Variants in SUMF1 observed in about 807,000 individuals in gnomAD.
SUMF1 encodes the protein sulfatase modifying factor 1.
In SUMF1, 48 loss-of-function variants were observed where a neutral mutation model predicts 47.6. The observed-to-expected ratio is 1.01, with a 90% CI of 0.80 to 1.28. The LOEUF (loss-of-function observed/expected upper bound fraction) is 1.28. Ranked by LOEUF, SUMF1 falls within the 50% of genes most tolerant of loss-of-function variation. The probability of loss-of-function intolerance (pLI) is 0.00; values close to 1 mark genes in which losing one functional copy is unlikely to be tolerated. For missense variants in SUMF1, 571 were observed against 485.4 expected (o/e 1.18, Z -1.66); for synonymous variants, 230 against 192.1 (o/e 1.20, Z -1.63).
At chr3:4,465,058 A>G (rs75295300) in intron 1 of SUMF1, among the ~76,000 whole-genome samples, 4 of 152,380 alleles carry the variant, frequency 2.6e-5, no homozygotes, top group African/African-American at 7.2e-5. Context: ...TTAAAAATGA[A>G]AAATGTTCAA....
At position 4,452,954 on chromosome 3, in the gene SUMF1, A is replaced by G; in HGVS notation, c.366T>C (p.Asp122=). Residue 122 remains aspartate (D), a synonymous_variant, in exon 2 of 9, where the codon GAT becomes GAC. Coordinates refer to ENST00000272902, the MANE Select transcript of SUMF1 (RefSeq NM_182760.4). Reference sequence around the variant, plus strand: ...CTTCATAGGCATCCATGTAAAAGGCATCAATAGTAACTCTCCTCGCAGGTG... The same window carrying G: ...CTTCATAGGCATCCATGTAAAAGGCGTCAATAGTAACTCTCCTCGCAGGTG... The part of the protein sequence containing the change: ...GEAPARRVTI[D]AFYMDAYEVS... The G allele has an allele frequency of 6.2e-7, 1 of 1,614,244 alleles. No individual in the cohort carries two copies. The highest frequency in any genetic ancestry group is 8.5e-7 in the Non-Finnish European group (1 of 1,180,048).
chr3:4,439,456 G>C (rs1702507273), intron 3 of SUMF1, among the ~76,000 whole-genome samples: 1 of 152,076 alleles, frequency 6.6e-6, no homozygotes, highest in Non-Finnish European at 1.5e-5. Flanking sequence ...AGCCCAGGAG[G>C]TCAAGGATGC....
intron 9 of SUMF1, among the ~76,000 whole-genome samples, chr3:4,063,972 T>C (rs1695322548): frequency 6.6e-6 from 1 of 152,134 alleles, no homozygotes; most frequent in Non-Finnish European, 1.5e-5. Context: ...ACTGCTGAGC[T>C]TGATTGTCCC....
chr3:4,221,944 GA>G (rs1340496628), intron 8 of SUMF1, among the ~76,000 whole-genome samples: 2 of 150,652 alleles, frequency 1.3e-5, no homozygotes, highest in African/African-American at 4.9e-5. Flanking sequence ...TATATCCTCT[GA>G]TTTTTTTTTG....
chr3:4,433,161 C>T (rs1702289638), intron 3 of SUMF1, among the ~76,000 whole-genome samples: 1 of 152,170 alleles, frequency 6.6e-6, no homozygotes, highest in African/African-American at 2.4e-5. Context: ...CCCACAGAGG[C>T]CGACGATACA....
chr3:4,451,088 T>TA (rs943826650), intron 2 of SUMF1, among the ~76,000 whole-genome samples: 2 of 146,868 alleles, frequency 1.4e-5, no homozygotes, highest in Non-Finnish European at 3.0e-5. Flanking sequence ...ATAAAATCAA[T>TA]AAAAAAATAA....
chr3:4,321,646 A>G (rs1698836973), intron 8 of SUMF1, among the ~76,000 whole-genome samples: 1 of 152,138 alleles, frequency 6.6e-6, no homozygotes, highest in Non-Finnish European at 1.5e-5. Flanking sequence ...CTGAGTCCAT[A>G]CTGATATAAA....
At chr3:4,058,241 G>A (rs578212181) in intron 9 of SUMF1, among the ~76,000 whole-genome samples, 4 of 152,158 alleles carry the variant, frequency 2.6e-5, no homozygotes, top group South Asian at 2.1e-4. Context: ...TGTTGCTCGC[G>A]AGCAGGTATA....
At chr3:4,123,483 C>A (rs1294789107) in intron 8 of SUMF1, among the ~76,000 whole-genome samples, 1 of 152,120 alleles carries the variant, frequency 6.6e-6, no homozygotes, top group Non-Finnish European at 1.5e-5. Flanking sequence ...CCATAGGAAG[C>A]AAGACATTTG....
At chr3:4,321,976 C>G (rs968302417) in intron 8 of SUMF1, among the ~76,000 whole-genome samples, 1 of 152,114 alleles carries the variant, frequency 6.6e-6, no homozygotes, top group African/African-American at 2.4e-5. Context: ...AAAGATGGTA[C>G]ATTAACTCTG....
Position 4,269,923 on chromosome 3 carries a change from A to C in SUMF1, c.1014+106407T>G, listed in dbSNP as rs952642992. On this transcript the variant is annotated intron_variant and NMD_transcript_variant, in intron 8 of 12. Transcript: ENST00000448413. ...TGTGTAAGGACAGTCTACAAGAGGG[A>C]ACTTTTTGAAGGTGAAGAGCTGATG... is the stretch of plus-strand genomic sequence containing the variant. Among the ~76,000 whole-genome samples the C allele has an allele frequency of 2.6e-5, 4 of 152,150 alleles. No individual in the cohort carries two copies. In the South Asian group the frequency reaches 8.3e-4, roughly 31 times the overall value.
At chr3:4,401,943 T>C (rs1457084897) in intron 7 of SUMF1, among the ~76,000 whole-genome samples, 1 of 152,114 alleles carries the variant, frequency 6.6e-6, no homozygotes, top group Non-Finnish European at 1.5e-5. Flanking sequence ...TACAAGTCAC[T>C]CTCCAAAGCC....
chr3:4,178,986 G>T (rs2266336), intron 8 of SUMF1, among the ~76,000 whole-genome samples: 47,109 of 151,952 alleles, frequency 0.31, 7,419 homozygotes, highest in East Asian at 0.4. Flanking sequence ...ACTTACAAGG[G>T]ATGTGATGGA....
At chr3:4,069,689 T>C (rs1352600770) in intron 8 of SUMF1, among the ~76,000 whole-genome samples, 2 of 152,180 alleles carry the variant, frequency 1.3e-5, no homozygotes, top group African/African-American at 4.8e-5. Context: ...CTAAGGGGTC[T>C]AGGGGGTCAT....
intron 3 of SUMF1, among the ~76,000 whole-genome samples, chr3:4,436,383 C>A (rs6802986): frequency 6.6e-6 from 1 of 151,552 alleles, no homozygotes; most frequent in African/African-American, 2.4e-5. Flanking sequence ...AAAGATATAG[C>A]CAAATAGACA....
intron 8 of SUMF1, among the ~76,000 whole-genome samples, chr3:4,224,249 G>T (rs1485181983): frequency 2.6e-5 from 4 of 152,068 alleles, no homozygotes; most frequent in African/African-American, 4.8e-5. Context: ...CATTACTTAG[G>T]AAAAGACCTG....
rs1195650704 is a variant in SUMF1, at chr3:4,114,333, C to G, written c.1015-45588G>C. ...CATCTACAGTTACAAACCCCTGGGA[C>G]AAAAGAAAAAGGAAATGAGTCTAGA... On this transcript the variant is annotated intron_variant and NMD_transcript_variant, in intron 8 of 12. Coordinates refer to the SUMF1 transcript ENST00000448413. 2.6e-5 allele frequency among the ~76,000 whole-genome samples: 4 copies of G among 151,816 alleles called. No individual in the cohort carries two copies. The East Asian group carries it at 7.7e-4, about 29-fold the overall frequency.
At chr3:4,135,597 C>G (rs570925911) in intron 8 of SUMF1, among the ~76,000 whole-genome samples, 29 of 152,150 alleles carry the variant, frequency 1.9e-4, no homozygotes, top group Non-Finnish European at 3.1e-4. Context: ...CACTCCGATT[C>G]CAACATAGTG....
chr3:4,256,104 G>T (rs1411183487), intron 8 of SUMF1, among the ~76,000 whole-genome samples: 6 of 144,810 alleles, frequency 4.1e-5, no homozygotes, highest in African/African-American at 7.7e-5. Context: ...TCTCTGGGAC[G>T]CATTCAAAGC....
Sources: gnomAD v4.1 joint callset for allele counts (sites outside exome capture counted in the v4.1 genomes callset) on GRCh38, gnomAD v4.1.1 for gene constraint, MANE v1.5 for transcripts, NCBI Gene and HGNC (gene_info 2026-07-23, HGNC 2026-07-21) for gene names.